FBXO25: variants seen among roughly 807,000 people sequenced by gnomAD.
The protein encoded by FBXO25 is F-box protein 25, also known as F-box only protein 25.
Under a neutral mutation model 51.9 loss-of-function variants are expected in FBXO25, and 45 were observed. That is an observed-to-expected ratio of 0.87 (90% confidence interval 0.68 to 1.11). FBXO25 has a LOEUF of 1.11. Ranked by LOEUF, FBXO25 falls within the 50% of genes most tolerant of loss-of-function variation. FBXO25 has a pLI of 0.00. For synonymous variants in FBXO25, 199 were observed against 151.0 expected (o/e 1.32, Z -2.33); for missense variants, 507 against 428.5 (o/e 1.18, Z -1.62).
At position 446,584 on chromosome 8, in the gene FBXO25, G is replaced by A. The variant is rs1798752882; in HGVS notation, c.382-3406G>A. On this transcript the variant is annotated intron_variant, in intron 5 of 9. Coordinates refer to ENST00000350302, the MANE Select transcript of FBXO25 (RefSeq NM_183420.2). ...CCTTTGTCTCTAAATTGATTCTAAAGTGAGGCAGGGAAAAGGGGTGCTATT... is the reference window on the plus strand; with the variant it reads ...CCTTTGTCTCTAAATTGATTCTAAAATGAGGCAGGGAAAAGGGGTGCTATT... Among the ~76,000 whole-genome samples, 8 of 152,176 alleles carry A rather than the reference G, an allele frequency of 5.3e-5. No individual in the cohort carries two copies. In the South Asian group the frequency reaches 1.7e-3, roughly 32 times the overall value.
intron 5 of FBXO25, among the ~76,000 whole-genome samples, chr8:440,631 T>A (rs7008722): frequency 0.015 from 2,304 of 149,316 alleles, no homozygotes; most frequent in African/African-American, 0.044. Flanking sequence ...ATACATGTGC[T>A]CAATGTGCAG....
chr8:408,011 AAAG>A (rs1171631053), intron 1 of FBXO25, among the ~76,000 whole-genome samples: 2 of 152,192 alleles, frequency 1.3e-5, no homozygotes, highest in Non-Finnish European at 2.9e-5. Flanking sequence ...CCTAATCAGA[AAAG>A]ACGTTTACTC....
chr8:437,551 C>G (rs1798172750), intron 5 of FBXO25, among the ~76,000 whole-genome samples: 1 of 152,218 alleles, frequency 6.6e-6, no homozygotes, highest in African/African-American at 2.4e-5. Context: ...AAAGTTACCT[C>G]TAAAAAGTGA....
chr8:417,870 T>G (rs1796903904), intron 2 of FBXO25, among the ~76,000 whole-genome samples: 1 of 152,254 alleles, frequency 6.6e-6, no homozygotes, highest in African/African-American at 2.4e-5. Context: ...TGGTATAGCA[T>G]GGGTCATCTG....
intron 5 of FBXO25, among the ~76,000 whole-genome samples, chr8:444,074 C>T (rs1261709541): frequency 1.3e-5 from 2 of 152,136 alleles, no homozygotes; most frequent in Admixed American, 1.3e-4. Flanking sequence ...ATAGTAAGAC[C>T]TACCTCACAG....
intron 8 of FBXO25, among the ~76,000 whole-genome samples, chr8:459,149 C>G (rs757405467): frequency 1.3e-5 from 2 of 152,220 alleles, no homozygotes; most frequent in Non-Finnish European, 2.9e-5. Flanking sequence ...GGGGGTTCCC[C>G]TCGTCACCCC....
chr8:414,472 A>G (rs1025606716), intron 2 of FBXO25, among the ~76,000 whole-genome samples: 4 of 152,342 alleles, frequency 2.6e-5, no homozygotes, highest in African/African-American at 9.6e-5. Context: ...TCAATTTAAA[A>G]AAAGCTGTAA....
At chr8:422,724 G>A (rs767618942) in intron 2 of FBXO25, among the ~76,000 whole-genome samples, 11 of 152,192 alleles carry the variant, frequency 7.2e-5, no homozygotes, top group Non-Finnish European at 1.5e-4. Context: ...GCATCACGTA[G>A]TCTGACTGTG....
chr8:452,740 G>C (rs1799174945), intron 7 of FBXO25, among the ~76,000 whole-genome samples: 1 of 152,214 alleles, frequency 6.6e-6, no homozygotes, highest in African/African-American at 2.4e-5. Flanking sequence ...GCATTCTTTG[G>C]AGAGAGATGT....
intron 5 of FBXO25, among the ~76,000 whole-genome samples, chr8:437,319 C>A (rs1798159236): frequency 6.6e-6 from 1 of 152,206 alleles, no homozygotes; most frequent in Non-Finnish European, 1.5e-5. Flanking sequence ...CTCCAAAGCA[C>A]CTCTCAGATG....
intron 9 of FBXO25, among the ~76,000 whole-genome samples, chr8:466,029 C>G (rs986611559): frequency 2.6e-5 from 4 of 152,144 alleles, no homozygotes; most frequent in African/African-American, 9.7e-5. Context: ...ATGTCTTGCC[C>G]TTGGAGGCTG....
intron 5 of FBXO25, 105 bp downstream of exon 5, chr8:435,812 G>A (rs559721017): frequency 3.2e-4 from 470 of 1,484,322 alleles, no homozygotes; most frequent in Non-Finnish European, 4.0e-4. Context: ...GCTTGAAGGT[G>A]TGCCTGTTTG....
At chr8:414,873 C>G (rs1796700742) in intron 2 of FBXO25, among the ~76,000 whole-genome samples, 1 of 152,186 alleles carries the variant, frequency 6.6e-6, no homozygotes, top group South Asian at 2.1e-4. Context: ...GATCCCCCGC[C>G]CTGCTTCCTA....
chr8:435,382 T>A (rs1437204654), intron 4 of FBXO25: 3 of 540,296 alleles, frequency 5.6e-6, no homozygotes, highest in Non-Finnish European at 9.8e-6. Context: ...TTGTCATTAC[T>A]TCAGCAGGTT....
chr8:420,718 C>T lies in FBXO25; in HGVS notation c.134+7505C>T, dbSNP rs1404739456. Among the ~76,000 whole-genome samples the T allele has an allele frequency of 3.3e-5, 5 of 152,286 alleles. No individual in the cohort carries two copies. In the East Asian group the frequency reaches 9.6e-4, roughly 29 times the overall value. ...ACTGTATGATTCTATCTAAAGGATG[C>T]GCTAGAAAAAGCACAACCATAAGGA... On this transcript the variant is annotated intron_variant, in intron 2 of 9. Transcript: ENST00000350302.
At chr8:433,513 T>G (rs1017758056) in intron 4 of FBXO25, among the ~76,000 whole-genome samples, 1 of 152,022 alleles carries the variant, frequency 6.6e-6, no homozygotes, top group Non-Finnish European at 1.5e-5. Context: ...AGTAATTGGG[T>G]TGGGTTTGTG....
rs1027348739 is a variant in FBXO25, at chr8:470,701, T to G, written c.*1897T>G. ...CAGCTGAGAAAAGAAATTGTTCTAATCTAGGAAAGGGAGTAAGTACATTGA... is the reference window on the plus strand; with the variant it reads ...CAGCTGAGAAAAGAAATTGTTCTAAGCTAGGAAAGGGAGTAAGTACATTGA... On this transcript the variant is annotated 3_prime_UTR_variant, in exon 10 of 10. Coordinates refer to ENST00000350302, the MANE Select transcript of FBXO25 (RefSeq NM_183420.2). 1 of 152,180 alleles carries G rather than the reference T, an allele frequency of 6.6e-6. No homozygotes were observed. The highest frequency in any genetic ancestry group is 1.5e-5 in the Non-Finnish European group (1 of 68,032). The allele number at this position is 152,180 out of a possible 1,614,324, so 9.4% of individuals were successfully genotyped here.
chr8:456,939 C>T (rs1041338018), intron 7 of FBXO25, among the ~76,000 whole-genome samples: 129 of 152,304 alleles, frequency 8.5e-4, no homozygotes, highest in Admixed American at 8.4e-3. Flanking sequence ...CTACGCTCCA[C>T]TCTCCACAGA....
rs751822678 is a variant in FBXO25 at position 474,362 on chromosome 8, C to T, written c.*5558C>T. ...TCTGTTGAGGACACTTGAGTTGCTT[C>T]CACCTTTTAGCTATTGTGAATATTG... On this transcript the variant is annotated 3_prime_UTR_variant, in exon 10 of 10. Transcript: ENST00000350302. 86 of 254,314 alleles carry T rather than the reference C, an allele frequency of 3.4e-4. No homozygotes were observed. The highest frequency in any genetic ancestry group is 5.4e-4 in the Non-Finnish European group (71 of 131,772). The allele number at this position is 254,314 out of a possible 1,614,324, so 15.8% of individuals were successfully genotyped here.
Sources: allele counts gnomAD v4.1 joint callset (sites outside exome capture counted in the v4.1 genomes callset), GRCh38; gene constraint gnomAD v4.1.1; transcripts MANE v1.5; gene names NCBI Gene and HGNC (gene_info 2026-07-23, HGNC 2026-07-21).